PRDM16: variants seen among roughly 807,000 people sequenced by gnomAD.
PRDM16 encodes PR/SET domain 16, also known as histone-lysine N-methyltransferase PRDM16.
A neutral mutation model predicts 110.6 loss-of-function variants in PRDM16; 23 were observed. The observed-to-expected ratio is 0.21, with a 90% CI of 0.15 to 0.29. The LOEUF is 0.29. PRDM16 is among the 10% of genes least tolerant of loss of function. PRDM16 has a pLI of 1.00. For missense variants in PRDM16, 1,615 were observed against 1,794.3 expected, an observed-to-expected ratio of 0.90 and a Z score of 1.81; for synonymous variants, 799 against 781.8, an observed-to-expected ratio of 1.02 and a Z score of -0.37.
At chr1:3,104,547 G>A (rs115016691) in intron 1 of PRDM16, among the ~76,000 whole-genome samples, 3,929 of 152,214 alleles carry the variant, frequency 0.026, 216 homozygotes, top group East Asian at 0.22. Context: ...GGTGGGCGCC[G>A]CAGCCAGCCC....
intron 1 of PRDM16, among the ~76,000 whole-genome samples, chr1:3,126,667 C>G (rs1643215968): frequency 6.6e-6 from 1 of 152,176 alleles, no homozygotes; most frequent in African/African-American, 2.4e-5. Flanking sequence ...CTGTCAGGGA[C>G]CCTGCCCTGT....
At chr1:3,192,227 G>A (rs956983237) in intron 2 of PRDM16, among the ~76,000 whole-genome samples, 4 of 152,196 alleles carry the variant, frequency 2.6e-5, no homozygotes, top group Non-Finnish European at 5.9e-5. Flanking sequence ...TAAGGATGGG[G>A]ATCATCCGTG....
At chr1:3,073,653 G>T (rs570293524) in intron 1 of PRDM16, among the ~76,000 whole-genome samples, 1 of 152,104 alleles carries the variant, frequency 6.6e-6, no homozygotes, top group Non-Finnish European at 1.5e-5. Flanking sequence ...GGCGTGGGCC[G>T]GGTCGGGGAG....
rs952869464 is a variant in PRDM16 at position 3,290,625 on chromosome 1, C to T, written c.438+46488C>T. Among the ~76,000 whole-genome samples, 11 of 152,280 alleles carry T rather than the reference C, an allele frequency of 7.2e-5. No individual in the cohort carries two copies. The highest frequency in any genetic ancestry group is 2.2e-4 in the African/African-American group (9 of 41,568). ...TCCGTCTGCAGGATCCCTCCCAGGA[C>T]GCAGTGGTGGGCCCAGGCCGGCCAG... On this transcript the variant is annotated intron_variant, in intron 3 of 16. Coordinates refer to ENST00000270722, the MANE Select transcript of PRDM16 (RefSeq NM_022114.4). This position sits in a 1 kb window ranked among gnomAD's most constrained non-coding sequence, Gnocchi z 4.8.
chr1:3,128,396 C>G (rs762085113), intron 1 of PRDM16, among the ~76,000 whole-genome samples: 2 of 152,178 alleles, frequency 1.3e-5, no homozygotes, highest in Non-Finnish European at 2.9e-5. Context: ...TGCTTCTGTC[C>G]TGCCTTTTTC....
intron 1 of PRDM16, chr1:3,127,944 C>G (rs531034771): frequency 1.3e-5 from 2 of 154,378 alleles, no homozygotes; most frequent in African/African-American, 4.8e-5. Flanking sequence ...GAGGGGCTCC[C>G]GCCTCTGGTC....
intron 1 of PRDM16, among the ~76,000 whole-genome samples, chr1:3,091,758 G>A (rs911648391): frequency 3.3e-5 from 5 of 152,198 alleles, no homozygotes; most frequent in Admixed American, 1.3e-4. Flanking sequence ...TATGGGTCGT[G>A]AGCTCGGGGT....
intron 1 of PRDM16, among the ~76,000 whole-genome samples, chr1:3,184,575 TTA>T (rs1644247078): frequency 6.6e-6 from 1 of 152,200 alleles, no homozygotes; most frequent in South Asian, 2.1e-4. Context: ...CCTGCCTTTT[TTA>T]TGTTATCGAG....
In PRDM16 at chr1:3,265,079, G is replaced by A. The variant is rs2100264618; in HGVS notation, c.438+20942G>A. Among the ~76,000 whole-genome samples the A allele has an allele frequency of 6.6e-6, 1 of 152,230 alleles. No individual in the cohort carries two copies. Among genetic ancestry groups the A allele is most frequent in the Admixed American group, 6.5e-5 (1 of 15,298 alleles). On this transcript the variant is annotated intron_variant, in intron 3 of 16. Transcript: ENST00000270722. This position sits in a 1 kb window ranked among gnomAD's most constrained non-coding sequence, Gnocchi z 4.5. ...CTCTCTCTGACCCAGGGCCCAGGAG[G>A]GAGGGGAGACCAGCAGGGAGGCGGG...
chr1:3,272,157 C>G (rs1640470315), intron 3 of PRDM16, among the ~76,000 whole-genome samples: 1 of 152,224 alleles, frequency 6.6e-6, no homozygotes, highest in Admixed American at 6.5e-5. Context: ...CGGTTTCCTC[C>G]AGGGCGAATT....
rs1370376033 is a variant in PRDM16 at position 3,370,533 on chromosome 1, C to G, written c.439-14619C>G. Among the ~76,000 whole-genome samples the G allele has an allele frequency of 1.3e-5, 2 of 152,142 alleles. No homozygotes were observed. Among genetic ancestry groups the G allele is most frequent in the Non-Finnish European group, 2.9e-5 (2 of 68,024 alleles). ...CAGATAAAACCTTCCAGCCCCACCA[C>G]CCACCAGAGGAGAGGAAGTGACCTG... On this transcript the variant is annotated intron_variant, in intron 3 of 16. Transcript: ENST00000270722. This position sits in a 1 kb window ranked among gnomAD's most constrained non-coding sequence, Gnocchi z 4.8.
intron 2 of PRDM16, among the ~76,000 whole-genome samples, chr1:3,193,108 C>T (rs973045889): frequency 2.0e-5 from 3 of 151,896 alleles, no homozygotes; most frequent in African/African-American, 7.3e-5. Flanking sequence ...ACGGCGAGTA[C>T]CCAGCAGACA....
At chr1:3,235,853 G>T (rs1639528105) in intron 2 of PRDM16, among the ~76,000 whole-genome samples, 1 of 152,252 alleles carries the variant, frequency 6.6e-6, no homozygotes, top group African/African-American at 2.4e-5. Context: ...TGTCCTGCCT[G>T]TGTGGGGCGG....
chr1:3,389,424 G>T (rs997204170), intron 4 of PRDM16, among the ~76,000 whole-genome samples: 1 of 152,202 alleles, frequency 6.6e-6, no homozygotes, highest in Non-Finnish European at 1.5e-5. Flanking sequence ...TATCCCTATG[G>T]CGTGGGGCTG....
chr1:3,133,101 C>T (rs1643367502), intron 1 of PRDM16: 1 of 152,276 alleles, frequency 6.6e-6, no homozygotes, highest in South Asian at 2.1e-4. Flanking sequence ...GAGTGGTCCA[C>T]ACCAGCCCCG....
At chr1:3,231,341 T>A (rs1448186113) in intron 2 of PRDM16, among the ~76,000 whole-genome samples, 2 of 99,236 alleles carry the variant, frequency 2.0e-5, no homozygotes, top group East Asian at 8.0e-4. Flanking sequence ...AATAGGTGAG[T>A]GATGGGCCAG....
intron 5 of PRDM16, 88 bp from the exon 6 acceptor site, chr1:3,402,703 G>T: frequency 8.3e-7 from 1 of 1,197,992 alleles, no homozygotes; most frequent in South Asian, 1.4e-5. Context: ...GAGGCACCGT[G>T]GTGAGGGGGC....
chr1:3,286,687 G>A (rs1205615299), intron 3 of PRDM16, among the ~76,000 whole-genome samples: 1 of 152,162 alleles, frequency 6.6e-6, no homozygotes, highest in East Asian at 1.9e-4. Flanking sequence ...CACCAACTGT[G>A]CTGGTGGCAA....
intron 3 of PRDM16, among the ~76,000 whole-genome samples, chr1:3,323,283 G>A (rs1269283149): frequency 3.3e-5 from 5 of 152,214 alleles, no homozygotes; most frequent in African/African-American, 1.2e-4. Flanking sequence ...TCACCAAGAC[G>A]ACGGTGAGAG....
Sources: allele counts gnomAD v4.1 joint callset (sites outside exome capture counted in the v4.1 genomes callset), GRCh38; gene constraint gnomAD v4.1.1; non-coding constraint Gnocchi (gnomAD v3.1); transcripts MANE v1.5; gene names NCBI Gene and HGNC (gene_info 2026-07-23, HGNC 2026-07-21).